The following ANO4 variants were observed in gnomAD, a reference collection of about 807,000 sequenced individuals.
ANO4 encodes the protein anoctamin-4.
ANO4 carries 69 observed loss-of-function variants against 141.9 expected under a neutral mutation model. The ratio of observed to expected loss-of-function variants is 0.49; its 90% CI spans 0.40 to 0.59. The LOEUF (loss-of-function observed/expected upper bound fraction) is 0.59. Ranked by LOEUF, ANO4 falls within the 20% of genes least tolerant of loss-of-function variation. The pLI, the probability that ANO4 is intolerant of heterozygous loss-of-function variation, is 0.00. For missense variants in ANO4, 894 were observed against 1,162.2 expected (o/e 0.77, Z 3.36); for synonymous variants, 350 against 394.3 (o/e 0.89, Z 1.33).
At chr12:100,861,506 A>G (rs547019764) in intron 1 of ANO4, among the ~76,000 whole-genome samples, 1 of 152,340 alleles carries the variant, frequency 6.6e-6, no homozygotes, top group South Asian at 2.1e-4. Flanking sequence ...GTACACTTGT[A>G]TAGGACATTT....
chr12:101,054,649 G>A (rs181279153), intron 14 of ANO4, among the ~76,000 whole-genome samples: 35 of 152,248 alleles, frequency 2.3e-4, no homozygotes, highest in South Asian at 1.9e-3. Flanking sequence ...ACAGGCGCCC[G>A]CCACCACGCC....
At chr12:101,081,491 C>A (rs1252167743) in intron 15 of ANO4, among the ~76,000 whole-genome samples, 1 of 152,182 alleles carries the variant, frequency 6.6e-6, no homozygotes, top group Non-Finnish European at 1.5e-5. Context: ...ACTCTGCATA[C>A]CTTTGTACAG....
intron 22 of ANO4, among the ~76,000 whole-genome samples, chr12:101,102,092 A>G (rs1252869080): frequency 6.6e-6 from 1 of 152,180 alleles, no homozygotes; most frequent in Non-Finnish European, 1.5e-5. Flanking sequence ...TCAAAAAAAA[A>G]AGAATGTACT....
At chr12:100,769,282 A>T (rs905525181) in intron 3 of ANO4, among the ~76,000 whole-genome samples, 1 of 152,248 alleles carries the variant, frequency 6.6e-6, no homozygotes, top group Non-Finnish European at 1.5e-5. Flanking sequence ...GATGCTAGTG[A>T]TCTAGCTGGC....
At chr12:101,016,481 A>G (rs193214553) in intron 8 of ANO4, among the ~76,000 whole-genome samples, 158 of 152,216 alleles carry the variant, frequency 1.0e-3, no homozygotes, top group African/African-American at 3.4e-3. Context: ...AACACCTCCC[A>G]CCAGACCCCA....
chr12:100,818,306 A>G (rs2035847407), intron 1 of ANO4, among the ~76,000 whole-genome samples: 1 of 151,874 alleles, frequency 6.6e-6, no homozygotes, highest in South Asian at 2.1e-4. Context: ...TAGACAACTT[A>G]AGCTATGAGG....
intron 8 of ANO4, among the ~76,000 whole-genome samples, chr12:101,014,705 G>T (rs2046243359): frequency 1.3e-5 from 2 of 152,140 alleles, no homozygotes; most frequent in South Asian, 4.1e-4. Context: ...GTGGATATAG[G>T]CCTTGATCAC....
chr12:101,029,661 C>T (rs1386224756), intron 9 of ANO4, among the ~76,000 whole-genome samples: 2 of 152,040 alleles, frequency 1.3e-5, no homozygotes, highest in Non-Finnish European at 2.9e-5. Context: ...CCTATAATCC[C>T]AGCACTTTGG....
rs532287208 is a variant in ANO4, at chr12:100,909,991, T to C, written c.55+8151T>C. Among the ~76,000 whole-genome samples, 8 of 152,334 alleles carry C rather than the reference T, an allele frequency of 5.3e-5. 1 individual carries two copies. The South Asian group carries it at 1.7e-3, about 32-fold the overall frequency. ...GAATTTTTGAATATTTGAATATTCCTAATTCAAATATTTGAAATTCAAATA... is the reference window on the plus strand; with the variant it reads ...GAATTTTTGAATATTTGAATATTCCCAATTCAAATATTTGAAATTCAAATA... On this transcript the variant is annotated intron_variant, in intron 2 of 27. Coordinates refer to ENST00000392977, the MANE Select transcript of ANO4 (RefSeq NM_001286615.2).
chr12:100,984,112 T>TATTC (rs2136320485), intron 7 of ANO4, among the ~76,000 whole-genome samples: 1 of 152,284 alleles, frequency 6.6e-6, no homozygotes, highest in South Asian at 2.1e-4. Flanking sequence ...TTTATTTATT[T>TATTC]ATGACACGGA....
Position 101,100,660 on chromosome 12 carries a change from A to T in ANO4, c.2149+940A>T, listed in dbSNP as rs190187956. 2.0e-5 allele frequency among the ~76,000 whole-genome samples: 3 copies of T among 152,344 alleles called. No individual in the cohort carries two copies. The East Asian group carries it at 5.8e-4, about 29-fold the overall frequency. ...ATTGAGTGCTTAAAAAGAACCTTTT[A>T]TGTGGCTAGAATTTGGTAGTGCTCC... On this transcript the variant is annotated intron_variant, in intron 22 of 27. Transcript: ENST00000392977.
At chr12:100,960,205 G>T (rs144491619) in intron 5 of ANO4, among the ~76,000 whole-genome samples, 2,043 of 152,110 alleles carry the variant, frequency 0.013, 13 homozygotes, top group Middle Eastern at 0.034. Context: ...GACCCCCACA[G>T]AAAATGTTTT....
chr12:101,125,692 T>A (rs1341629590), intron 26 of ANO4, among the ~76,000 whole-genome samples: 1 of 152,218 alleles, frequency 6.6e-6, no homozygotes, highest in Non-Finnish European at 1.5e-5. Flanking sequence ...GCTTATGTGA[T>A]GTTTACTGAT....
chr12:100,850,407 T>A (rs1258163415), intron 1 of ANO4, among the ~76,000 whole-genome samples: 1 of 152,194 alleles, frequency 6.6e-6, no homozygotes, highest in African/African-American at 2.4e-5. Flanking sequence ...GGCTGCACTT[T>A]CTGATAGAAT....
chr12:101,099,866 C>G (rs1468242451), intron 22 of ANO4, 146 bp downstream of exon 22: 1 of 543,584 alleles, frequency 1.8e-6, no homozygotes, highest in African/African-American at 2.0e-5. Context: ...CCTGCTTAAA[C>G]TGTGCTACAC....
At chr12:100,832,913 G>A (rs1199695567) in intron 1 of ANO4, among the ~76,000 whole-genome samples, 1 of 152,052 alleles carries the variant, frequency 6.6e-6, no homozygotes, top group African/African-American at 2.4e-5. Flanking sequence ...TTTATTTTCT[G>A]CTAACACTTT....
chr12:100,817,713 C>T (rs2035814724), intron 1 of ANO4, among the ~76,000 whole-genome samples: 1 of 151,762 alleles, frequency 6.6e-6, no homozygotes, highest in African/African-American at 2.4e-5. Flanking sequence ...GACCTCTTAT[C>T]CTAAATGCTT....
intron 5 of ANO4, among the ~76,000 whole-genome samples, chr12:100,967,317 A>G (rs1352070158): frequency 6.6e-6 from 1 of 152,096 alleles, no homozygotes; most frequent in African/African-American, 2.4e-5. Flanking sequence ...ACTTGGATTT[A>G]TGTGGCAAGG....
At chr12:101,126,840 A>C in intron 26 of ANO4, 39 bp from the exon 27 acceptor site, 1 of 1,572,498 alleles carries the variant, frequency 6.4e-7, no homozygotes, top group Non-Finnish European at 8.7e-7. Flanking sequence ...TTCAGGATGC[A>C]CAGTAGACCT....
Sources: allele counts gnomAD v4.1 joint callset (sites outside exome capture counted in the v4.1 genomes callset), GRCh38; gene constraint gnomAD v4.1.1; transcripts MANE v1.5; gene names NCBI Gene and HGNC (gene_info 2026-07-23, HGNC 2026-07-21).